ARHGEF4: variants seen among roughly 807,000 people sequenced by gnomAD.
ARHGEF4 encodes Rho guanine nucleotide exchange factor 4.
A neutral mutation model predicts 162.0 loss-of-function variants in ARHGEF4; 119 were observed. That is an observed-to-expected ratio of 0.73 (90% CI 0.63 to 0.86). The LOEUF is 0.86. Ranked by LOEUF, ARHGEF4 falls within the 40% of genes least tolerant of loss-of-function variation. ARHGEF4 has a pLI of 0.00. For missense variants in ARHGEF4, 2,488 were observed against 2,456.0 expected (o/e 1.01, Z -0.28); for synonymous variants, 1,014 against 979.9 (o/e 1.03, Z -0.65).
chr2:130,969,559 A>G (rs1351543672), intron 4 of ARHGEF4, among the ~76,000 whole-genome samples: 1 of 152,000 alleles, frequency 6.6e-6, no homozygotes, highest in Non-Finnish European at 1.5e-5. Flanking sequence ...AGATCGCGCC[A>G]CTGCACTCCA....
intron 4 of ARHGEF4, among the ~76,000 whole-genome samples, chr2:131,016,974 A>C (rs1688811029): frequency 6.6e-6 from 1 of 152,220 alleles, no homozygotes; most frequent in East Asian, 1.9e-4. Flanking sequence ...ACCCTCACTG[A>C]GCATTTATCT....
chr2:130,880,508 C>G (rs1407724246), intron 1 of ARHGEF4, among the ~76,000 whole-genome samples: 3 of 152,190 alleles, frequency 2.0e-5, no homozygotes, highest in Admixed American at 2.0e-4. Flanking sequence ...TTTGTCTTAG[C>G]TGTCCTCAGC....
At chr2:130,900,044 T>A (rs1189798205) in intron 1 of ARHGEF4, among the ~76,000 whole-genome samples, 1 of 152,250 alleles carries the variant, frequency 6.6e-6, no homozygotes, top group Non-Finnish European at 1.5e-5. Context: ...GTTGTTTTTC[T>A]GTTGTTGATT....
At chr2:130,979,406 A>G (rs1266133568) in intron 4 of ARHGEF4, among the ~76,000 whole-genome samples, 1 of 152,174 alleles carries the variant, frequency 6.6e-6, no homozygotes, top group Non-Finnish European at 1.5e-5. Flanking sequence ...CCTAATATCC[A>G]AAAAGTTTAG....
chr2:130,874,558 T>C (rs16856221), intron 1 of ARHGEF4, among the ~76,000 whole-genome samples: 8,694 of 152,290 alleles, frequency 0.057, 547 homozygotes, highest in African/African-American at 0.15. Flanking sequence ...TACGACTGCT[T>C]TCATAATTAA....
rs1303795210 is a variant in ARHGEF4, at chr2:130,897,393, G to A, written c.40-16593G>A. Among the ~76,000 whole-genome samples, 4 of 152,324 alleles carry A rather than the reference G, an allele frequency of 2.6e-5. No individual in the cohort carries two copies. In the South Asian group the frequency reaches 6.2e-4, roughly 24 times the overall value. ...GTGGCAGGCCCTGTGCTTCCGCGGA[G>A]CTGAGAGGATTCGTAGGTGCTTCCC... On this transcript the variant is annotated intron_variant, in intron 1 of 13. Coordinates refer to ENST00000409359, the MANE Select transcript of ARHGEF4 (RefSeq NM_001367493.1).
intron 1 of ARHGEF4, among the ~76,000 whole-genome samples, chr2:130,853,197 T>C (rs1204746058): frequency 6.6e-6 from 1 of 152,150 alleles, no homozygotes; most frequent in Admixed American, 6.5e-5. Context: ...AGGATCTGCA[T>C]GATGATTCAC....
At chr2:130,841,072 T>G (rs183231986) in intron 1 of ARHGEF4, among the ~76,000 whole-genome samples, 135 of 152,164 alleles carry the variant, frequency 8.9e-4, no homozygotes, top group African/African-American at 3.1e-3. Flanking sequence ...AAAGTGGTTG[T>G]TTGTTTGTTT....
intron 4 of ARHGEF4, among the ~76,000 whole-genome samples, chr2:130,973,952 A>T (rs1440151491): frequency 6.6e-6 from 1 of 152,152 alleles, no homozygotes; most frequent in Non-Finnish European, 1.5e-5. Flanking sequence ...TGTTATCAGA[A>T]GTCATCTGAT....
chr2:130,913,977 C>T lies in ARHGEF4; in HGVS notation c.40-9C>T. ...CTTGTCTCTGACTCCTCTCTTCTTG[C>T]CCTCCCAGACTCCAGAGCCAGGTGC... On this transcript the variant is annotated splice_polypyrimidine_tract_variant and intron_variant, in intron 1 of 13. Transcript: ENST00000409359. 1 of 1,536,050 alleles carries T rather than the reference C, an allele frequency of 6.5e-7. No homozygotes were observed. Among genetic ancestry groups the T allele is most frequent in the African/African-American group, 1.4e-5 (1 of 73,172 alleles).
intron 10 of ARHGEF4, 147 bp from the exon 11 acceptor site, chr2:131,043,305 T>A: frequency 9.4e-7 from 1 of 1,069,206 alleles, no homozygotes; most frequent in Non-Finnish European, 1.3e-6. Context: ...ACGTGCCACC[T>A]CTTCCTCCCC....
chr2:131,023,747 A>G (rs537768246), intron 4 of ARHGEF4, among the ~76,000 whole-genome samples: 1 of 152,310 alleles, frequency 6.6e-6, no homozygotes, highest in South Asian at 2.1e-4. Context: ...CCCAGTAATT[A>G]CACTCCTGGG....
At chr2:130,941,775 A>C (rs1683316278) in intron 3 of ARHGEF4, among the ~76,000 whole-genome samples, 1 of 152,166 alleles carries the variant, frequency 6.6e-6, no homozygotes, top group South Asian at 2.1e-4. Flanking sequence ...TCCATAGGCT[A>C]AGGAGGAGGA....
At chr2:130,996,783 C>T (rs1435629928) in intron 4 of ARHGEF4, among the ~76,000 whole-genome samples, 1 of 152,130 alleles carries the variant, frequency 6.6e-6, no homozygotes, top group Non-Finnish European at 1.5e-5. Flanking sequence ...CGTCCTGCAT[C>T]CCCCATACCA....
At position 130,914,290 on chromosome 2, in the gene ARHGEF4, A is replaced by C. The variant is rs1681363747; in HGVS notation, c.344A>C (p.Gln115Pro). The C allele has an allele frequency of 2.0e-6, 3 of 1,519,828 alleles. No individual in the cohort carries two copies. Among genetic ancestry groups the C allele is most frequent in the Non-Finnish European group, 2.6e-6 (3 of 1,137,360 alleles). 94.1% of individuals were successfully genotyped at this position (1,519,828 alleles called of 1,614,324 possible). Residue 115 changes from glutamine to proline, a missense_variant, in exon 2 of 14, where the codon CAG becomes CCG. Gln to Pro is a moderately conservative substitution (Grantham distance 76, BLOSUM62 -1). Transcript: ENST00000409359. Reference protein sequence around the residue: ...YPDVSATGPPQEQHLTSVPGL... With the variant: ...YPDVSATGPPPEQHLTSVPGL... ...GATGTCTCAGCAACTGGACCCCCTCAGGAGCAGCATTTGACCAGTGTTCCT... is the reference window on the plus strand; with the variant it reads ...GATGTCTCAGCAACTGGACCCCCTCCGGAGCAGCATTTGACCAGTGTTCCT...
chr2:130,958,104 A>G (rs1684406640), intron 4 of ARHGEF4, among the ~76,000 whole-genome samples: 1 of 151,680 alleles, frequency 6.6e-6, no homozygotes, highest in African/African-American at 2.4e-5. Flanking sequence ...CCGGCTCACC[A>G]CTCTCATCAG....
chr2:130,928,446 C>A (rs928288479), intron 2 of ARHGEF4, among the ~76,000 whole-genome samples: 3 of 152,326 alleles, frequency 2.0e-5, no homozygotes, highest in Middle Eastern at 3.4e-3. Context: ...GTGGTCCCCA[C>A]AAGCTGGAGA....
chr2:130,958,024 A>G (rs895226500), intron 4 of ARHGEF4, among the ~76,000 whole-genome samples: 9 of 151,790 alleles, frequency 5.9e-5, no homozygotes, highest in African/African-American at 1.5e-4. Context: ...ACAAAAAAAA[A>G]AAAGAAAGAA....
chr2:131,021,739 G>A (rs898456459), intron 4 of ARHGEF4, among the ~76,000 whole-genome samples: 39 of 152,172 alleles, frequency 2.6e-4, no homozygotes, highest in African/African-American at 8.2e-4. Context: ...TCCTTGTCTC[G>A]TTCCTCATCT....
Sources: allele counts gnomAD v4.1 joint callset (sites outside exome capture counted in the v4.1 genomes callset), GRCh38; gene constraint gnomAD v4.1.1; transcripts MANE v1.5; gene names NCBI Gene and HGNC (gene_info 2026-07-23, HGNC 2026-07-21).